The following EPB41L2 variants were observed in gnomAD, a reference collection of about 807,000 sequenced individuals.
EPB41L2 encodes band 4.1-like protein 2.
In EPB41L2, 43 loss-of-function variants were observed where a neutral mutation model predicts 113.0. The observed-to-expected ratio is 0.38, with a 90% confidence interval of 0.30 to 0.49. The LOEUF is 0.49. Among genes scored for constraint, EPB41L2 ranks in the 20% least tolerant of loss-of-function variants. EPB41L2 has a pLI of 0.95. For missense variants in EPB41L2, 1,147 were observed against 1,223.4 expected, an observed-to-expected ratio of 0.94 and a Z score of 0.93; for synonymous variants, 442 against 436.7, an observed-to-expected ratio of 1.01 and a Z score of -0.15.
chr6:130,987,278 GT>G (rs1780784316), intron 1 of EPB41L2, among the ~76,000 whole-genome samples: 2 of 152,120 alleles, frequency 1.3e-5, no homozygotes, highest in Non-Finnish European at 2.9e-5. Context: ...ATTACTCTAT[GT>G]TAAGTTTCTG....
intron 1 of EPB41L2, among the ~76,000 whole-genome samples, chr6:130,969,549 ATGT>A (rs1311703563): frequency 6.6e-6 from 1 of 152,200 alleles, no homozygotes; most frequent in Non-Finnish European, 1.5e-5. Context: ...ATAAAAGAAG[ATGT>A]TGATACCTAT....
At chr6:130,901,320 T>G (rs1796244992) in intron 6 of EPB41L2, 140 bp from the exon 7 acceptor site, 1 of 687,220 alleles carries the variant, frequency 1.5e-6, no homozygotes, top group Admixed American at 2.9e-5. Flanking sequence ...AAAAATCATC[T>G]TCTCTAATAA....
At chr6:130,854,160 T>C (rs1779562094) in intron 19 of EPB41L2, among the ~76,000 whole-genome samples, 1 of 152,210 alleles carries the variant, frequency 6.6e-6, no homozygotes, top group Non-Finnish European at 1.5e-5. Context: ...TAGCATTTTA[T>C]TTCCTTCAGA....
chr6:130,894,981 C>A lies in EPB41L2; in HGVS notation c.1375G>T (p.Val459Phe), dbSNP rs138523739. ...TCTTGGCTTACCTCTGCCGGTCTGA[C>A]TTTAATGTAGAAGTTACTGCGTTTA... ...SYKRSNFYIK[V>F]RPAELEQFES... Residue 459 changes from valine to phenylalanine, a missense_variant, in exon 9 of 20, where the codon GTC becomes TTC. Physicochemically the swap from Val to Phe is conservative, Grantham distance 50 (BLOSUM62 -1). Coordinates refer to ENST00000337057, the MANE Select transcript of EPB41L2 (RefSeq NM_001431.4). 3 of 1,613,472 alleles carry A rather than the reference C, an allele frequency of 1.9e-6. No homozygotes were observed. The African/African-American group carries it at 4.0e-5, about 22-fold the overall frequency.
chr6:131,015,217 A>T (rs921405870), intron 1 of EPB41L2: 6 of 152,224 alleles, frequency 3.9e-5, no homozygotes, highest in Admixed American at 6.5e-5. Flanking sequence ...TCTGTAATCG[A>T]TACTACTTAT....
intron 16 of EPB41L2, among the ~76,000 whole-genome samples, chr6:130,866,341 A>C (rs1783743949): frequency 6.6e-6 from 1 of 152,378 alleles, no homozygotes; most frequent in East Asian, 1.9e-4. Context: ...ATAGCCTAAC[A>C]GTTTATGTTA....
chr6:130,894,330 T>C lies in EPB41L2; in HGVS notation c.1487+14A>G, dbSNP rs888204809. 1.9e-6 allele frequency: 3 copies of C among 1,610,186 alleles called. No homozygotes were observed. The highest frequency in any genetic ancestry group is 2.7e-5 in the African/African-American group (2 of 74,826). On this transcript the variant is annotated intron_variant, in intron 10 of 19. Transcript: ENST00000337057. ...CGATCATGCCCGGCTTCCGAGCTGT[T>C]TTCCTAAAATTACCTGTAGAAAGTA...
At chr6:130,973,441 G>A (rs149704628) in intron 1 of EPB41L2, among the ~76,000 whole-genome samples, 1 of 152,118 alleles carries the variant, frequency 6.6e-6, no homozygotes, top group Non-Finnish European at 1.5e-5. Flanking sequence ...ACCTTTTTAT[G>A]TTAAATGTGT....
chr6:130,919,895 A>T (rs1802330685), intron 4 of EPB41L2, among the ~76,000 whole-genome samples: 1 of 152,122 alleles, frequency 6.6e-6, no homozygotes, highest in African/African-American at 2.4e-5. Context: ...CTCTTGTCCC[A>T]CTGCTACCCT....
intron 1 of EPB41L2, among the ~76,000 whole-genome samples, chr6:131,040,950 C>T (rs1217498778): frequency 6.6e-6 from 1 of 152,172 alleles, no homozygotes; most frequent in Non-Finnish European, 1.5e-5. Flanking sequence ...CCTGTAACAT[C>T]TTGCATCTCT....
At chr6:130,891,759 AT>A (rs1265717956) in intron 10 of EPB41L2, among the ~76,000 whole-genome samples, 10 of 152,110 alleles carry the variant, frequency 6.6e-5, no homozygotes, top group African/African-American at 2.4e-4. Flanking sequence ...TATCAGTTTT[AT>A]TACTACATTC....
intron 1 of EPB41L2, among the ~76,000 whole-genome samples, chr6:130,958,046 C>T (rs898254832): frequency 2.6e-5 from 4 of 152,156 alleles, no homozygotes; most frequent in Non-Finnish European, 5.9e-5. Flanking sequence ...TATATAATGG[C>T]TTCTACGATG....
At chr6:130,885,965 A>T (rs1449214202) in intron 11 of EPB41L2, among the ~76,000 whole-genome samples, 1 of 152,134 alleles carries the variant, frequency 6.6e-6, no homozygotes, top group African/African-American at 2.4e-5. Context: ...TGTACATTGT[A>T]TTGAAAATTC....
At chr6:130,999,357 A>G (rs1289632903) in intron 1 of EPB41L2, among the ~76,000 whole-genome samples, 1 of 152,238 alleles carries the variant, frequency 6.6e-6, no homozygotes, top group Non-Finnish European at 1.5e-5. Flanking sequence ...AGAAAGAAAC[A>G]ATAAGAAAAA....
intron 2 of EPB41L2, 108 bp downstream of exon 2, chr6:130,955,886 A>T (rs1473221726): frequency 6.7e-7 from 1 of 1,497,914 alleles, no homozygotes; most frequent in Non-Finnish European, 8.9e-7. Flanking sequence ...AAGCTAAAGC[A>T]GTATCTCAGT....
At chr6:130,874,498 A>C (rs12529323) in intron 14 of EPB41L2, among the ~76,000 whole-genome samples, 5 of 151,730 alleles carry the variant, frequency 3.3e-5, no homozygotes, top group Admixed American at 2.0e-4. Flanking sequence ...ACACTCCCGT[A>C]GACAAATGCT....
intron 8 of EPB41L2, among the ~76,000 whole-genome samples, chr6:130,895,914 G>T (rs1226826746): frequency 6.6e-6 from 1 of 152,184 alleles, no homozygotes; most frequent in Non-Finnish European, 1.5e-5. Flanking sequence ...TTCAAGTAGT[G>T]AAGATCTAAG....
At chr6:131,049,414 C>T (rs1796111241) in intron 1 of EPB41L2, among the ~76,000 whole-genome samples, 1 of 152,170 alleles carries the variant, frequency 6.6e-6, no homozygotes, top group African/African-American at 2.4e-5. Context: ...CTTTCACCCA[C>T]TTTATTAAGG....
chr6:130,874,550 A>G, intron 14 of EPB41L2, among the ~76,000 whole-genome samples: 1 of 152,300 alleles, frequency 6.6e-6, no homozygotes, highest in Admixed American at 6.5e-5. Context: ...TTAAAGAAAA[A>G]CAAAAAAGAT....
Sources: gnomAD v4.1 joint callset for allele counts (sites outside exome capture counted in the v4.1 genomes callset) on GRCh38, gnomAD v4.1.1 for gene constraint, MANE v1.5 for transcripts, NCBI Gene and HGNC (gene_info 2026-07-23, HGNC 2026-07-21) for gene names.